The following KNTC1 variants were observed in gnomAD, a reference collection of about 807,000 sequenced individuals.
The protein encoded by KNTC1 is kinetochore associated 1.
Under a neutral mutation model 314.4 loss-of-function variants are expected in KNTC1, and 253 were observed. The observed-to-expected ratio is 0.80, with a 90% CI of 0.73 to 0.89. The LOEUF (loss-of-function observed/expected upper bound fraction) is 0.89, where lower values mean the gene tolerates loss of function less well. Ranked by LOEUF, KNTC1 falls within the 40% of genes least tolerant of loss-of-function variation. KNTC1 has a pLI of 0.00. For missense variants in KNTC1, 2,475 were observed against 2,572.9 expected (o/e 0.96, Z 0.82); for synonymous variants, 901 against 901.4 (o/e 1.00, Z 0.01).
At chr12:122,550,842 C>T (rs1035106891) in intron 13 of KNTC1, among the ~76,000 whole-genome samples, 3 of 152,116 alleles carry the variant, frequency 2.0e-5, no homozygotes, top group Non-Finnish European at 2.9e-5. Flanking sequence ...TTTGAAGAGT[C>T]GCCACCCTGT....
chr12:122,543,639 GA>G lies in KNTC1; in HGVS notation c.558+9del. 6.5e-7 allele frequency: 1 copy of G among 1,537,760 alleles called. No individual in the cohort carries two copies. Among genetic ancestry groups the G allele is most frequent in the Admixed American group, 2.0e-5 (1 of 50,296 alleles). On this transcript the variant is annotated splice_donor_region_variant and intron_variant, in intron 7 of 63. Transcript: ENST00000333479. ...GACTTCAGTACAGCAAAAAAGGTAA[GA>G]AAATAAATCCATATTGTCCTCTTAA... is the stretch of plus-strand genomic sequence containing the variant.
At chr12:122,571,772 C>T (rs1395216668) in intron 24 of KNTC1, among the ~76,000 whole-genome samples, 5 of 151,814 alleles carry the variant, frequency 3.3e-5, no homozygotes, top group African/African-American at 1.2e-4. Context: ...CAGGTTCAAG[C>T]AATTCTCCTG....
At chr12:122,556,940 T>TTTAA (rs71085823) in intron 16 of KNTC1, among the ~76,000 whole-genome samples, 1 of 141,302 alleles carries the variant, frequency 7.1e-6, no homozygotes, top group African/African-American at 2.6e-5. Flanking sequence ...TTTTTTTTTT[T>TTTAA]AAATAGGGTC....
intron 28 of KNTC1, 49 bp downstream of exon 28, chr12:122,575,695 T>A: frequency 6.7e-7 from 1 of 1,498,918 alleles, no homozygotes; most frequent in Non-Finnish European, 9.2e-7. Flanking sequence ...GGAGAAACAT[T>A]GTGTTTTGAG....
intron 63 of KNTC1, among the ~76,000 whole-genome samples, chr12:122,625,969 C>T (rs1257250715): frequency 2.0e-5 from 3 of 152,126 alleles, no homozygotes; most frequent in Non-Finnish European, 4.4e-5. Context: ...CAGGGCTTAC[C>T]TCCAGGTGGT....
chr12:122,603,333 A>G lies in KNTC1; in HGVS notation c.5101+90A>G, dbSNP rs573672618. On this transcript the variant is annotated intron_variant, in intron 48 of 63. Transcript: ENST00000333479. ...AGGAGAAGCAGGATGGTAGTTTTCA[A>G]ATGTATTTGCTTGCTCTCTTAACTG... The G allele has an allele frequency of 1.2e-5, 11 of 931,246 alleles. No individual in the cohort carries two copies. The South Asian group carries it at 1.4e-4, about 12-fold the overall frequency. 57.7% of individuals were successfully genotyped at this position (931,246 alleles called of 1,614,324 possible).
intron 18 of KNTC1, among the ~76,000 whole-genome samples, chr12:122,560,774 C>T (rs1963917003): frequency 6.6e-6 from 1 of 152,098 alleles, no homozygotes; most frequent in African/African-American, 2.4e-5. Context: ...ATTTCTCCAC[C>T]TTTGCTAACA....
intron 44 of KNTC1, among the ~76,000 whole-genome samples, chr12:122,598,854 G>T (rs139010278): frequency 6.6e-6 from 1 of 151,676 alleles, no homozygotes; most frequent in East Asian, 1.9e-4. Flanking sequence ...CTGTCACCCA[G>T]GCTGGAGTGC....
chr12:122,618,314 A>C, intron 57 of KNTC1, 29 bp from the exon 58 acceptor site: 8 of 1,607,792 alleles, frequency 5.0e-6, no homozygotes, highest in Non-Finnish European at 6.8e-6. Flanking sequence ...CTTAACATGA[A>C]TATCCCAAAC....
chr12:122,598,003 C>CTAATGTATCTA, intron 44 of KNTC1, 65 bp downstream of exon 44: 1 of 1,185,944 alleles, frequency 8.4e-7, no homozygotes, highest in Non-Finnish European at 1.3e-6. Flanking sequence ...TAATTAGATA[C>CTAATGTATCTA]ATTAGTAACA....
chr12:122,547,519 A>G lies in KNTC1; in HGVS notation c.921A>G (p.Ser307=), dbSNP rs1240066075. 3 of 1,597,970 alleles carry G rather than the reference A, an allele frequency of 1.9e-6. No homozygotes were observed. In the African/African-American group the frequency reaches 4.0e-5, roughly 21 times the overall value. Reference sequence around the variant, plus strand: ...TTACTACAGAAGCAGACTCTCCTTCATCAGTCACGTGGTATGTTATGACTA... The same window carrying G: ...TTACTACAGAAGCAGACTCTCCTTCGTCAGTCACGTGGTATGTTATGACTA... The part of the protein sequence containing the change: ...FLLTTEADSP[S]SVTWQGITNL... The change falls in exon 11 of 64, where the codon TCA becomes TCG. Residue 307 remains serine (S), a synonymous_variant. Transcript: ENST00000333479.
intron 32 of KNTC1, among the ~76,000 whole-genome samples, 200 bp from the exon 33 acceptor site, chr12:122,580,403 T>C (rs1052647332): frequency 1.3e-5 from 2 of 152,352 alleles, no homozygotes; most frequent in South Asian, 4.1e-4. Context: ...CATAAACTTC[T>C]GTTTTCTACC....
Position 122,573,264 on chromosome 12 carries a change from A to G in KNTC1, c.2262A>G (p.Glu754=), listed in dbSNP as rs759148600. 2.8e-5 allele frequency: 45 copies of G among 1,613,540 alleles called. 1 individual carries two copies. In the South Asian group the frequency reaches 4.7e-4, roughly 17 times the overall value. ...GAGAACATGACTTGCAAGAGGAGGA[A>G]CTTCTCTTGCTGTACATAGAGGTAA... The part of the protein sequence containing the change: ...YMREHDLQEE[E]LLLLYIEDLL... The change falls in exon 26 of 64, where the codon GAA becomes GAG. Residue 754 remains glutamate, a synonymous_variant. Transcript: ENST00000333479.
intron 45 of KNTC1, 184 bp from the exon 46 acceptor site, chr12:122,602,385 T>G: frequency 2.1e-6 from 1 of 475,602 alleles, no homozygotes; most frequent in Non-Finnish European, 3.7e-6. Context: ...CCTTTAATCA[T>G]TGTATATAAA....
At chr12:122,532,603 A>G (rs1961450056) in intron 2 of KNTC1, among the ~76,000 whole-genome samples, 1 of 152,170 alleles carries the variant, frequency 6.6e-6, no homozygotes, top group Non-Finnish European at 1.5e-5. Context: ...GTGCATGTGT[A>G]TAGAATCTTG....
chr12:122,557,851 C>A (rs1712453475), intron 18 of KNTC1, among the ~76,000 whole-genome samples, 162 bp downstream of exon 18: 1 of 152,166 alleles, frequency 6.6e-6, no homozygotes, highest in Non-Finnish European at 1.5e-5. Flanking sequence ...ACATCCTATA[C>A]AATTCACCTA....
intron 43 of KNTC1, among the ~76,000 whole-genome samples, chr12:122,596,227 C>A (rs1038119963): frequency 1.3e-5 from 2 of 151,888 alleles, no homozygotes; most frequent in African/African-American, 4.8e-5. Context: ...GGATTACAGG[C>A]GCATGCCACC....
intron 27 of KNTC1, among the ~76,000 whole-genome samples, chr12:122,574,869 T>G (rs923347445): frequency 6.6e-6 from 1 of 152,238 alleles, no homozygotes; most frequent in African/African-American, 2.4e-5. Flanking sequence ...CGCTGCAATG[T>G]GAGACATTTG....
At chr12:122,577,062 CTTCTTTGT>C (rs1965078289) in intron 30 of KNTC1, 33 bp downstream of exon 30, 1 of 1,451,936 alleles carries the variant, frequency 6.9e-7, no homozygotes, top group African/African-American at 1.5e-5. Flanking sequence ...TTTCATATGG[CTTCTTTGT>C]TTCTGTGTTG....
Sources: gnomAD v4.1 joint callset for allele counts (sites outside exome capture counted in the v4.1 genomes callset) on GRCh38, gnomAD v4.1.1 for gene constraint, MANE v1.5 for transcripts, NCBI Gene and HGNC (gene_info 2026-07-23, HGNC 2026-07-21) for gene names.